Variants in GREB1 observed in about 807,000 individuals in gnomAD.
GREB1 encodes growth regulating estrogen receptor binding 1.
GREB1 carries 106 observed loss-of-function variants against 200.7 expected under a neutral mutation model. That is an observed-to-expected ratio of 0.53 (90% CI 0.45 to 0.62). GREB1 has a LOEUF of 0.62. Ranked by LOEUF, GREB1 falls within the 20% of genes least tolerant of loss-of-function variation. The pLI is 0.00. For synonymous variants in GREB1, 1,132 were observed against 1,092.4 expected, an observed-to-expected ratio of 1.04 and a Z score of -0.72; for missense variants, 2,243 against 2,556.8, an observed-to-expected ratio of 0.88 and a Z score of 2.65.
chr2:11,610,130 G>A (rs1459233492), intron 17 of GREB1, among the ~76,000 whole-genome samples: 1 of 152,164 alleles, frequency 6.6e-6, no homozygotes, highest in African/African-American at 2.4e-5. Flanking sequence ...CAAAAACTGG[G>A]ATTCTTGATT....
Position 11,633,774 on chromosome 2 carries a change from C to T in GREB1, c.4992-357C>T, listed in dbSNP as rs546577829. On this transcript the variant is annotated intron_variant, in intron 28 of 32. Transcript: ENST00000381486. This position sits in a 1 kb window ranked among gnomAD's most constrained non-coding sequence, Gnocchi z 4.1. ...TCCCTTCCTGCTGCCCCAGCCCCACCCCTCCTCACTAGCCTGACTGCTGAC... is the reference window on the plus strand; with the variant it reads ...TCCCTTCCTGCTGCCCCAGCCCCACTCCTCCTCACTAGCCTGACTGCTGAC... Among the ~76,000 whole-genome samples the T allele has an allele frequency of 6.6e-6, 1 of 152,274 alleles. No homozygotes were observed. Among genetic ancestry groups the T allele is most frequent in the East Asian group, 1.9e-4 (1 of 5,180 alleles).
At chr2:11,585,659 C>T (rs1271345049) in intron 8 of GREB1, 103 bp from the exon 9 acceptor site, 2 of 1,256,738 alleles carry the variant, frequency 1.6e-6, no homozygotes, top group Non-Finnish European at 1.1e-6. Flanking sequence ...TAATCAGGGA[C>T]GTTGGTCAGA....
intron 1 of GREB1, among the ~76,000 whole-genome samples, chr2:11,517,751 A>T (rs1213389269): frequency 6.6e-6 from 1 of 152,112 alleles, no homozygotes; most frequent in Non-Finnish European, 1.5e-5. Context: ...TCCCGGGTTC[A>T]TGCCATTCTC....
intron 1 of GREB1, among the ~76,000 whole-genome samples, chr2:11,541,711 C>T (rs1345478289): frequency 6.6e-6 from 1 of 152,186 alleles, no homozygotes; most frequent in Non-Finnish European, 1.5e-5. Flanking sequence ...ATCAGCCCTG[C>T]CTAACTCCTT....
At chr2:11,513,400 A>T (rs372558306) in intron 1 of GREB1, among the ~76,000 whole-genome samples, 11 of 152,196 alleles carry the variant, frequency 7.2e-5, no homozygotes, top group East Asian at 3.8e-4. Flanking sequence ...GCTCAGGGTC[A>T]CGGTAATTAA....
At chr2:11,608,383 A>T (rs1169786425) in intron 17 of GREB1, among the ~76,000 whole-genome samples, 6 of 152,068 alleles carry the variant, frequency 3.9e-5, no homozygotes, top group African/African-American at 1.5e-4. Flanking sequence ...GTTTCTACTG[A>T]TCAATTGGTT....
At chr2:11,579,620 G>C (rs1431627889) in intron 6 of GREB1, among the ~76,000 whole-genome samples, 1 of 152,158 alleles carries the variant, frequency 6.6e-6, no homozygotes, top group East Asian at 1.9e-4. Flanking sequence ...AGTGTCCAGG[G>C]TTACACAGCT....
intron 1 of GREB1, 105 bp from the exon 2 acceptor site, chr2:11,556,349 A>C (rs1676433249): frequency 3.7e-6 from 1 of 273,518 alleles, no homozygotes; most frequent in Non-Finnish European, 6.8e-6. Flanking sequence ...TGGGGATGGC[A>C]AAAGAGGCAG....
At position 11,597,335 on chromosome 2, in the gene GREB1, A is replaced by G. The variant is rs947179203; in HGVS notation, c.1955-446A>G. Among the ~76,000 whole-genome samples the G allele has an allele frequency of 6.6e-6, 1 of 152,000 alleles. No homozygotes were observed. The highest frequency in any genetic ancestry group is 2.4e-5 in the African/African-American group (1 of 41,362). On this transcript the variant is annotated intron_variant, in intron 13 of 32. Coordinates refer to ENST00000381486, the MANE Select transcript of GREB1 (RefSeq NM_014668.4). This position sits in a 1 kb window ranked among gnomAD's most constrained non-coding sequence, Gnocchi z 4.1. ...TCCATCACTGTCTCTGAGGTGATAG[A>G]TTTTTCTATGCCAATTTCCTGCCTC...
chr2:11,602,482 G>C lies in GREB1; in HGVS notation c.2606G>C (p.Ser869Thr). 1 of 1,613,256 alleles carries C rather than the reference G, an allele frequency of 6.2e-7. No homozygotes were observed. Among genetic ancestry groups the C allele is most frequent in the Non-Finnish European group, 8.5e-7 (1 of 1,179,158 alleles). ...ATTGAATCCACCCTTTCAGGACACA[G>C]CCTCCCCTTGCTCAGATACGATAGC... is the stretch of plus-strand genomic sequence containing the variant. ...EFIESTLSGH[S>T]LPLLRYDSSF... The change falls in exon 17 of 33, where the codon AGC becomes ACC. Residue 869 changes from serine (S) to threonine (T), a missense_variant. Transcript: ENST00000381486.
chr2:11,613,946 C>A (rs1410855057), intron 19 of GREB1, among the ~76,000 whole-genome samples: 1 of 152,158 alleles, frequency 6.6e-6, no homozygotes, highest in Non-Finnish European at 1.5e-5. Context: ...TGTGTTTCTG[C>A]TGCGCAAGTC....
intron 4 of GREB1, among the ~76,000 whole-genome samples, chr2:11,575,876 C>T (rs1192612590): frequency 6.6e-6 from 1 of 152,204 alleles, no homozygotes; most frequent in East Asian, 1.9e-4. Context: ...GCAAAGTTTG[C>T]TCTCTACATA....
rs567296221 is a variant in GREB1 at position 11,633,260 on chromosome 2, A to T, written c.4991+197A>T. On this transcript the variant is annotated intron_variant, in intron 28 of 32. Transcript: ENST00000381486. This position sits in a 1 kb window ranked among gnomAD's most constrained non-coding sequence, Gnocchi z 4.1. ...CATGTGCCAAGCCTGGCTTGCTTTT[A>T]ATTTTAAAAAATTGTTATTGGGCCG... Among the ~76,000 whole-genome samples the T allele has an allele frequency of 6.6e-6, 1 of 152,180 alleles. No individual in the cohort carries two copies. Among genetic ancestry groups the T allele is most frequent in the African/African-American group, 2.4e-5 (1 of 41,536 alleles).
chr2:11,528,107 A>T (rs1673948985), intron 1 of GREB1, among the ~76,000 whole-genome samples: 1 of 152,228 alleles, frequency 6.6e-6, no homozygotes. Flanking sequence ...ACCAGGGATT[A>T]TGTCAGACCT....
intron 1 of GREB1, among the ~76,000 whole-genome samples, chr2:11,547,603 A>G (rs1416431204): frequency 6.6e-6 from 1 of 152,230 alleles, no homozygotes; most frequent in Non-Finnish European, 1.5e-5. Flanking sequence ...AATTATAAAT[A>G]TACACACAGT....
intron 4 of GREB1, among the ~76,000 whole-genome samples, chr2:11,572,401 A>T (rs1333554227): frequency 6.6e-6 from 1 of 152,196 alleles, no homozygotes; most frequent in African/African-American, 2.4e-5. Flanking sequence ...CCCAGCAGTA[A>T]ACCTGGGCCA....
chr2:11,617,175 T>TAGCCAC (rs1381292424), intron 21 of GREB1, among the ~76,000 whole-genome samples: 2 of 152,220 alleles, frequency 1.3e-5, no homozygotes, highest in Admixed American at 6.5e-5. Flanking sequence ...GCCTTCCGCG[T>TAGCCAC]AGCCACAGCC....
At chr2:11,531,933 A>G (rs972534070), upstream of GREB1, among the ~76,000 whole-genome samples, 2 of 152,118 alleles carry the variant, frequency 1.3e-5, no homozygotes, top group African/African-American at 2.4e-5. Flanking sequence ...TCTTTTTTCT[A>G]TGCATTTAAG....
rs775983512 is a variant in GREB1 at position 11,601,002 on chromosome 2, GC to G, written c.2529+9del. ...GCCTGCCTCCTGCAGTAATGTGAGT[GC>G]CACGGGGCTGCTGGGCCCTTGTGTA... On this transcript the variant is annotated splice_region_variant and intron_variant, in intron 16 of 32. Transcript: ENST00000381486. 8 of 1,602,836 alleles carry G rather than the reference GC, an allele frequency of 5.0e-6. No individual in the cohort carries two copies. In the East Asian group the frequency reaches 1.8e-4, roughly 36 times the overall value.
Sources: allele counts gnomAD v4.1 joint callset (sites outside exome capture counted in the v4.1 genomes callset), GRCh38; gene constraint gnomAD v4.1.1; non-coding constraint Gnocchi (gnomAD v3.1); transcripts MANE v1.5; gene names NCBI Gene and HGNC (gene_info 2026-07-23, HGNC 2026-07-21).